The following SNTG1 variants were observed in gnomAD, a reference collection of about 807,000 sequenced individuals.
The protein encoded by SNTG1 is gamma-1-syntrophin.
SNTG1 carries 39 observed loss-of-function variants against 74.7 expected under a neutral mutation model. The ratio of observed to expected loss-of-function variants is 0.52; its 90% CI spans 0.40 to 0.68. The LOEUF is 0.68. Among genes scored for constraint, SNTG1 ranks in the 30% least tolerant of loss-of-function variants. SNTG1 has a pLI of 0.00. For synonymous variants in SNTG1, 254 were observed against 217.1 expected (o/e 1.17, Z -1.49); for missense variants, 685 against 609.5 (o/e 1.12, Z -1.30).
At chr8:50,160,263 G>A (rs546615649) in intron 1 of SNTG1, among the ~76,000 whole-genome samples, 15 of 152,192 alleles carry the variant, frequency 9.9e-5, no homozygotes, top group African/African-American at 2.9e-4. Flanking sequence ...ACACATAAAC[G>A]TTGTTACAGC....
At chr8:50,735,777 C>G (rs1335710650) in intron 17 of SNTG1, among the ~76,000 whole-genome samples, 1 of 151,890 alleles carries the variant, frequency 6.6e-6, no homozygotes, top group African/African-American at 2.4e-5. Context: ...GAGAACACCA[C>G]AAAGATACTC....
Position 50,449,744 on chromosome 8 carries a change from T to C in SNTG1, c.277+19T>C. 1 of 1,553,848 alleles carries C rather than the reference T, an allele frequency of 6.4e-7. No individual in the cohort carries two copies. The highest frequency in any genetic ancestry group is 8.7e-7 in the Non-Finnish European group (1 of 1,147,112). ...CAAAGAGGTAATATGTTTAGAGAAT[T>C]GTGTACCAGCCATTTCTTTAAGGCA... On this transcript the variant is annotated intron_variant, in intron 6 of 18. Transcript: ENST00000642720.
intron 2 of SNTG1, among the ~76,000 whole-genome samples, chr8:50,199,746 G>A (rs2083916232): frequency 6.6e-6 from 1 of 152,200 alleles, no homozygotes; most frequent in Admixed American, 6.5e-5. Context: ...GATGTAGGGT[G>A]CGAGTCAGCC....
At chr8:50,294,021 A>T (rs2089249762) in intron 2 of SNTG1, among the ~76,000 whole-genome samples, 1 of 152,200 alleles carries the variant, frequency 6.6e-6, no homozygotes. Flanking sequence ...ATGATGATAA[A>T]TTAATTTACG....
intron 9 of SNTG1, among the ~76,000 whole-genome samples, chr8:50,513,084 A>G (rs1184875976): frequency 2.0e-5 from 3 of 151,994 alleles, no homozygotes; most frequent in African/African-American, 4.8e-5. Context: ...TGATGTACAG[A>G]TGGGGTTTTG....
intron 8 of SNTG1, among the ~76,000 whole-genome samples, chr8:50,453,549 C>G (rs990286729): frequency 9.2e-5 from 14 of 152,184 alleles, no homozygotes; most frequent in African/African-American, 3.4e-4. Context: ...AGCTCAACCA[C>G]TTACAAACAT....
At chr8:50,272,921 A>AG (rs1270599892) in intron 2 of SNTG1, among the ~76,000 whole-genome samples, 1 of 149,376 alleles carries the variant, frequency 6.7e-6, no homozygotes. Context: ...AAAAAAAAAA[A>AG]ATTCTAGAGA....
At chr8:50,431,314 G>T (rs985635768) in intron 4 of SNTG1, among the ~76,000 whole-genome samples, 3 of 152,144 alleles carry the variant, frequency 2.0e-5, no homozygotes, top group Non-Finnish European at 4.4e-5. Flanking sequence ...CCTCTGATAG[G>T]AGATATTGAT....
At chr8:50,023,578 A>G (rs2130697488) in intron 1 of SNTG1, among the ~76,000 whole-genome samples, 1 of 152,254 alleles carries the variant, frequency 6.6e-6, no homozygotes, top group South Asian at 2.1e-4. Context: ...TGAGTTTCTG[A>G]AAATTTCATG....
chr8:50,132,392 T>C (rs1225079388), intron 1 of SNTG1, among the ~76,000 whole-genome samples: 1 of 152,148 alleles, frequency 6.6e-6, no homozygotes, highest in African/African-American at 2.4e-5. Context: ...CAGTAGATCC[T>C]GTGACAAAAC....
At chr8:50,452,081 CT>C (rs1341713127) in intron 8 of SNTG1, among the ~76,000 whole-genome samples, 4 of 152,146 alleles carry the variant, frequency 2.6e-5, no homozygotes, top group African/African-American at 9.7e-5. Flanking sequence ...CCTCAAGTGT[CT>C]GTGAAAAGCC....
At chr8:50,444,272 T>C (rs1352119614) in intron 5 of SNTG1, among the ~76,000 whole-genome samples, 2 of 152,234 alleles carry the variant, frequency 1.3e-5, no homozygotes, top group Non-Finnish European at 2.9e-5. Flanking sequence ...TTAGTTGTAA[T>C]AAATGTATGC....
At chr8:50,553,798 A>G (rs956343252) in intron 12 of SNTG1, among the ~76,000 whole-genome samples, 12 of 152,270 alleles carry the variant, frequency 7.9e-5, no homozygotes, top group Admixed American at 5.2e-4. Context: ...TAATAATTCT[A>G]TGAGAAATAT....
intron 2 of SNTG1, among the ~76,000 whole-genome samples, chr8:50,331,298 G>A (rs892433832): frequency 6.6e-6 from 1 of 152,142 alleles, no homozygotes. Context: ...AAAGTAAAGT[G>A]AAGTGTGTCT....
chr8:50,449,713 A>G lies in SNTG1; in HGVS notation c.265A>G (p.Lys89Glu). ...NIPVVVSKIS[K>E]EQRAELSGLL... ...TCCAGTTGTCGTTTCAAAAATCTCC[A>G]AGGAACAAAGAGGTAATATGTTTAG... The change falls in exon 6 of 19, where the codon AAG (lysine) becomes GAG (glutamate). Residue 89 changes from lysine to glutamate, a missense_variant. Physicochemically the swap from Lys to Glu is moderately conservative, Grantham distance 56. Transcript: ENST00000642720. 6.3e-7 allele frequency: 1 copy of G among 1,596,034 alleles called. No homozygotes were observed. The highest frequency in any genetic ancestry group is 8.6e-7 in the Non-Finnish European group (1 of 1,168,924).
intron 2 of SNTG1, among the ~76,000 whole-genome samples, chr8:50,301,478 C>T (rs1160651458): frequency 6.6e-6 from 1 of 152,070 alleles, no homozygotes; most frequent in Non-Finnish European, 1.5e-5. Context: ...ATCATACTGT[C>T]ATTTAATTCT....
chr8:50,666,540 G>A (rs2095251692), intron 15 of SNTG1, among the ~76,000 whole-genome samples: 1 of 152,104 alleles, frequency 6.6e-6, no homozygotes, highest in African/African-American at 2.4e-5. Context: ...ATAAGTATTT[G>A]TAATTCACTT....
chr8:50,258,378 C>T (rs1481490794), intron 2 of SNTG1, among the ~76,000 whole-genome samples: 2 of 151,968 alleles, frequency 1.3e-5, no homozygotes, highest in African/African-American at 4.8e-5. Flanking sequence ...GTTCACTTTT[C>T]AGAAAAGCAC....
intron 13 of SNTG1, among the ~76,000 whole-genome samples, chr8:50,614,305 A>G (rs2094871725): frequency 6.6e-6 from 1 of 152,150 alleles, no homozygotes; most frequent in Admixed American, 6.6e-5. Context: ...TTTCTGAAAC[A>G]TAGAAAAGCA....
Sources: allele counts gnomAD v4.1 joint callset (sites outside exome capture counted in the v4.1 genomes callset), GRCh38; gene constraint gnomAD v4.1.1; transcripts MANE v1.5; gene names NCBI Gene and HGNC (gene_info 2026-07-23, HGNC 2026-07-21).